The following NUDT5 variants were observed in gnomAD, a reference collection of about 807,000 sequenced individuals.
NUDT5 encodes ADP-sugar pyrophosphatase.
Under a neutral mutation model 34.1 loss-of-function variants are expected in NUDT5, and 21 were observed. The observed-to-expected ratio is 0.62, with a 90% CI of 0.44 to 0.89. The LOEUF (loss-of-function observed/expected upper bound fraction) is 0.89. Ranked by LOEUF, NUDT5 falls within the 40% of genes least tolerant of loss-of-function variation. NUDT5 has a pLI of 0.00. For synonymous variants in NUDT5, 85 were observed against 97.6 expected (o/e 0.87, Z 0.76); for missense variants, 249 against 274.8 (o/e 0.91, Z 0.66).
chr10:12,186,456 A>C, intron 1 of NUDT5, 124 bp from the exon 2 acceptor site: 1 of 623,550 alleles, frequency 1.6e-6, no homozygotes, highest in Non-Finnish European at 2.9e-6. Flanking sequence ...TGCCTGTCTC[A>C]GTATGTGAGG....
At chr10:12,193,677 A>C (rs1244560460) in intron 1 of NUDT5, among the ~76,000 whole-genome samples, 5 of 152,210 alleles carry the variant, frequency 3.3e-5, no homozygotes, top group Admixed American at 1.3e-4. Flanking sequence ...ATGTGTAACA[A>C]GTTACTTAAA....
At position 12,169,232 on chromosome 10, in the gene NUDT5, T is replaced by C; in HGVS notation, c.551-1421A>G. On this transcript the variant is annotated intron_variant, in intron 9 of 9. Coordinates refer to ENST00000491614, the MANE Select transcript of NUDT5 (RefSeq NM_014142.4). The surrounding 1 kb of genome is among the most constrained non-coding windows in gnomAD (Gnocchi z 4.8). ...CCCTCTCTCCACCTCCCCTCACTTATTCTATTTTTTTCTCCCTTTTCTAAG... is the reference window on the plus strand; with the variant it reads ...CCCTCTCTCCACCTCCCCTCACTTACTCTATTTTTTTCTCCCTTTTCTAAG... The C allele has an allele frequency of 1.3e-6, 2 of 1,489,694 alleles. No homozygotes were observed. 92.3% of individuals were successfully genotyped at this position (1,489,694 alleles called of 1,614,324 possible).
chr10:12,179,751 T>G (rs1835015490), intron 3 of NUDT5, among the ~76,000 whole-genome samples: 1 of 152,232 alleles, frequency 6.6e-6, no homozygotes, highest in African/African-American at 2.4e-5. Context: ...GCTTTATTCC[T>G]GGTTAGCTAT....
chr10:12,172,533 A>C, intron 7 of NUDT5: 1 of 573,126 alleles, frequency 1.7e-6, no homozygotes, highest in East Asian at 2.9e-5. Flanking sequence ...GAAAACAGGG[A>C]AATATGTCAT....
chr10:12,192,882 A>G (rs1022683085), intron 1 of NUDT5, among the ~76,000 whole-genome samples: 15 of 152,136 alleles, frequency 9.9e-5, no homozygotes, highest in African/African-American at 3.6e-4. Flanking sequence ...ATTCTGATGT[A>G]TCCTTCTTTT....
Position 12,170,049 on chromosome 10 carries a change from G to A in NUDT5, c.550+668C>T. The A allele has an allele frequency of 6.6e-7, 1 of 1,524,076 alleles. No homozygotes were observed. Among genetic ancestry groups the A allele is most frequent in the Non-Finnish European group, 9.1e-7 (1 of 1,099,958 alleles). 94.4% of individuals were successfully genotyped at this position (1,524,076 alleles called of 1,614,324 possible). ...AGGGCCCATGGTATGTCTCCATACA[G>A]TATCTCCTCGTCTCCACACAGTATC... On this transcript the variant is annotated intron_variant, in intron 9 of 9. Coordinates refer to ENST00000491614, the MANE Select transcript of NUDT5 (RefSeq NM_014142.4). The surrounding 1 kb of genome is among the most constrained non-coding windows in gnomAD (Gnocchi z 4.9).
In NUDT5 at chr10:12,182,577, C is replaced by A. The variant is rs1168167388; in HGVS notation, c.131+2312G>T. Among the ~76,000 whole-genome samples, 1 of 152,106 alleles carries A rather than the reference C, an allele frequency of 6.6e-6. No homozygotes were observed. Among genetic ancestry groups the A allele is most frequent in the Non-Finnish European group, 1.5e-5 (1 of 68,020 alleles). On this transcript the variant is annotated intron_variant, in intron 3 of 9. Coordinates refer to ENST00000491614, the MANE Select transcript of NUDT5 (RefSeq NM_014142.4). This position sits in a 1 kb window ranked among gnomAD's most constrained non-coding sequence, Gnocchi z 4.3. ...TATGGTAGTTTGGTGGATTTTAGAGCCTACTCCCAATCTACTGAAATAGAT... is the reference window on the plus strand; with the variant it reads ...TATGGTAGTTTGGTGGATTTTAGAGACTACTCCCAATCTACTGAAATAGAT...
rs1253209752 is a variant in NUDT5, at chr10:12,165,445, A to G, written c.*2257T>C. On this transcript the variant is annotated 3_prime_UTR_variant, in exon 10 of 10. Coordinates refer to ENST00000491614, the MANE Select transcript of NUDT5 (RefSeq NM_014142.4). ...TCATTTGTATAGGTTCAGTGTATTCATAAGAAGTCCACCCTGAGATGCCTG... is the reference window on the plus strand; with the variant it reads ...TCATTTGTATAGGTTCAGTGTATTCGTAAGAAGTCCACCCTGAGATGCCTG... 2 of 822,082 alleles carry G rather than the reference A, an allele frequency of 2.4e-6. No homozygotes were observed. The highest frequency in any genetic ancestry group is 1.3e-4 in the East Asian group (1 of 8,000). 50.9% of individuals were successfully genotyped at this position (822,082 alleles called of 1,614,324 possible).
In NUDT5 at chr10:12,165,942, T is replaced by G. The variant is rs904794478; in HGVS notation, c.*1760A>C. ...TTTTTCCCTTAAGAAGGTGGAAATA[T>G]GGCTTTTAATACATAGGAAACCTTC... is the stretch of plus-strand genomic sequence containing the variant. On this transcript the variant is annotated 3_prime_UTR_variant, in exon 10 of 10. Transcript: ENST00000491614. The G allele has an allele frequency of 6.6e-6, 1 of 152,228 alleles. No individual in the cohort carries two copies. The highest frequency in any genetic ancestry group is 6.5e-5 in the Admixed American group (1 of 15,284). The allele number at this position is 152,228 out of a possible 1,614,324, so 9.4% of individuals were successfully genotyped here.
chr10:12,172,485 T>G (rs1834874472), intron 7 of NUDT5: 1 of 456,396 alleles, frequency 2.2e-6, no homozygotes, highest in Non-Finnish European at 4.0e-6. Context: ...TACTTAAGCC[T>G]GCAGCTCATA....
rs902352764 is a variant in NUDT5 at position 12,182,000 on chromosome 10, C to T, written c.132-2868G>A. On this transcript the variant is annotated intron_variant, in intron 3 of 9. Transcript: ENST00000491614. The surrounding 1 kb of genome is among the most constrained non-coding windows in gnomAD (Gnocchi z 5.0). ...TACAAAAATCAGCCAGGCCCAGTGG[C>T]ATGCACCTCTAGTCCCAGCTACTCG... Among the ~76,000 whole-genome samples, 1 of 151,976 alleles carries T rather than the reference C, an allele frequency of 6.6e-6. No homozygotes were observed. The highest frequency in any genetic ancestry group is 6.6e-5 in the Admixed American group (1 of 15,258).
rs1834780403 is a variant in NUDT5, at chr10:12,168,882, C to T, written c.551-1071G>A. On this transcript the variant is annotated intron_variant, in intron 9 of 9. Coordinates refer to ENST00000491614, the MANE Select transcript of NUDT5 (RefSeq NM_014142.4). The surrounding 1 kb of genome is among the most constrained non-coding windows in gnomAD (Gnocchi z 4.8). ...GGTTCAAGCGATTCTCCTGCCCCAG[C>T]CTCCTGAGTAGCTGGGACTACCGGC... Among the ~76,000 whole-genome samples, 1 of 152,110 alleles carries T rather than the reference C, an allele frequency of 6.6e-6. No individual in the cohort carries two copies. Among genetic ancestry groups the T allele is most frequent in the African/African-American group, 2.4e-5 (1 of 41,418 alleles).
rs553639936 is a variant in NUDT5, at chr10:12,181,558, A to G, written c.132-2426T>C. On this transcript the variant is annotated intron_variant, in intron 3 of 9. Transcript: ENST00000491614. The surrounding 1 kb of genome is among the most constrained non-coding windows in gnomAD (Gnocchi z 5.0). ...AAGCCAAAGAACCCCACAATGAGTC[A>G]TGCACATAGGTCTCAGCCCTGTGTA... 2.0e-5 allele frequency among the ~76,000 whole-genome samples: 3 copies of G among 152,312 alleles called. No homozygotes were observed. The East Asian group carries it at 5.8e-4, about 29-fold the overall frequency.
intron 1 of NUDT5, among the ~76,000 whole-genome samples, chr10:12,193,883 T>TC (rs1189616862): frequency 2.0e-5 from 3 of 151,144 alleles, no homozygotes; most frequent in Non-Finnish European, 2.9e-5. Context: ...TTTTTTTTTT[T>TC]CCCGAGACGG....
rs1411201905 is a variant in NUDT5, at chr10:12,187,724, C to A, written c.-41-1392G>T. ...AGCTTGTAGTTAGTCACTTTCATGTCGATGTTATTGTACTGGGAAGTCAAG... is the reference window on the plus strand; with the variant it reads ...AGCTTGTAGTTAGTCACTTTCATGTAGATGTTATTGTACTGGGAAGTCAAG... On this transcript the variant is annotated intron_variant, in intron 1 of 9. Coordinates refer to ENST00000491614, the MANE Select transcript of NUDT5 (RefSeq NM_014142.4). This position sits in a 1 kb window ranked among gnomAD's most constrained non-coding sequence, Gnocchi z 5.4. 6.6e-6 allele frequency among the ~76,000 whole-genome samples: 1 copy of A among 152,066 alleles called. No homozygotes were observed. The highest frequency in any genetic ancestry group is 2.1e-4 in the South Asian group (1 of 4,818).
chr10:12,165,497 A>G lies in NUDT5; in HGVS notation c.*2205T>C, dbSNP rs1282179200. 8.5e-6 allele frequency: 3 copies of G among 351,808 alleles called. No individual in the cohort carries two copies. Among genetic ancestry groups the G allele is most frequent in the African/African-American group, 2.2e-5 (1 of 45,064 alleles). The allele number at this position is 351,808 out of a possible 1,614,324, so 21.8% of individuals were successfully genotyped here. A position where few individuals can be genotyped will look rare whatever the true frequency, so the allele number is the denominator to read the frequency against. The stretch of plus-strand genomic sequence containing the variant: ...AAAAGTCAAATGTAATTACACTTCA[A>G]ACTTTAATCCTAAATTATTGACAGA... On this transcript the variant is annotated 3_prime_UTR_variant, in exon 10 of 10. Transcript: ENST00000491614.
intron 1 of NUDT5, among the ~76,000 whole-genome samples, chr10:12,189,351 C>G (rs1397937061): frequency 6.6e-6 from 1 of 152,170 alleles, no homozygotes; most frequent in Admixed American, 6.5e-5. Context: ...GGTGATCCAC[C>G]AGCCTCAGCC....
At chr10:12,177,057 G>A (rs112908869) in intron 5 of NUDT5, among the ~76,000 whole-genome samples, 10 of 151,496 alleles carry the variant, frequency 6.6e-5, no homozygotes, top group African/African-American at 2.4e-4. Flanking sequence ...AGGAGGCGGA[G>A]GTTGCAGTGA....
chr10:12,178,093 T>G (rs1456547945), intron 4 of NUDT5, among the ~76,000 whole-genome samples, 193 bp from the exon 5 acceptor site: 1 of 152,044 alleles, frequency 6.6e-6, no homozygotes, highest in African/African-American at 2.4e-5. Flanking sequence ...TTACACTTTC[T>G]TTTTTAAACA....
Sources: allele counts gnomAD v4.1 joint callset (sites outside exome capture counted in the v4.1 genomes callset), GRCh38; gene constraint gnomAD v4.1.1; non-coding constraint Gnocchi (gnomAD v3.1); transcripts MANE v1.5; gene names NCBI Gene and HGNC (gene_info 2026-07-23, HGNC 2026-07-21).